Variants in RASA1 observed in about 807,000 individuals in gnomAD.
The protein encoded by RASA1 is RAS p21 protein activator 1.
A neutral mutation model predicts 132.2 loss-of-function variants in RASA1; 25 were observed. The ratio of observed to expected loss-of-function variants is 0.19; its 90% CI spans 0.14 to 0.26. RASA1 has a LOEUF of 0.26. Ranked by LOEUF, RASA1 falls within the 10% of genes least tolerant of loss-of-function variation. RASA1 has a pLI of 1.00. For missense variants in RASA1, 964 were observed against 1,299.2 expected, an observed-to-expected ratio of 0.74 and a Z score of 3.97; for synonymous variants, 477 against 449.9, an observed-to-expected ratio of 1.06 and a Z score of -0.76.
At chr5:87,308,290 A>C (rs1422843840) in intron 1 of RASA1, among the ~76,000 whole-genome samples, 1 of 151,944 alleles carries the variant, frequency 6.6e-6, no homozygotes, top group African/African-American at 2.4e-5. Flanking sequence ...ATAGTTTGAG[A>C]GAAAAAGTGG....
intron 12 of RASA1, 58 bp downstream of exon 12, chr5:87,369,958 T>C (rs906620003): frequency 7.3e-7 from 1 of 1,360,596 alleles, no homozygotes; most frequent in South Asian, 1.2e-5. Context: ...TGTTTTCTTA[T>C]TAACTGGAAT....
intron 21 of RASA1, 111 bp downstream of exon 21, chr5:87,383,891 C>A: frequency 3.2e-6 from 3 of 945,794 alleles, no homozygotes; most frequent in Non-Finnish European, 4.8e-6. Context: ...CAATTCTAGT[C>A]ATGGCATATA....
intron 1 of RASA1, chr5:87,318,932 G>A (rs1415206746): frequency 1.3e-5 from 2 of 152,176 alleles, no homozygotes; most frequent in East Asian, 1.9e-4. Flanking sequence ...TTCTTCCAAG[G>A]TACAATGAGA....
At chr5:87,380,350 C>A (rs780041031) in intron 19 of RASA1, among the ~76,000 whole-genome samples, 159 bp from the exon 20 acceptor site, 1 of 152,038 alleles carries the variant, frequency 6.6e-6, no homozygotes, top group Non-Finnish European at 1.5e-5. Context: ...TTTCCTTACC[C>A]CTTGCTAAAT....
At chr5:87,286,195 G>C (rs1483489893) in intron 1 of RASA1, among the ~76,000 whole-genome samples, 1 of 151,892 alleles carries the variant, frequency 6.6e-6, no homozygotes, top group African/African-American at 2.4e-5. Context: ...GTAGAGTCAG[G>C]GTTTCACATG....
At chr5:87,271,204 C>T (rs1198474641) in intron 1 of RASA1, among the ~76,000 whole-genome samples, 1 of 152,092 alleles carries the variant, frequency 6.6e-6, no homozygotes, top group African/African-American at 2.4e-5. Context: ...TGCCATTGCA[C>T]TCCAGCCTGG....
intron 15 of RASA1, 50 bp from the exon 16 acceptor site, chr5:87,376,343 A>G: frequency 1.9e-6 from 3 of 1,599,026 alleles, no homozygotes; most frequent in Non-Finnish European, 2.6e-6. Flanking sequence ...TTGCATGACT[A>G]ATTATCGTGT....
chr5:87,380,887 T>C (rs1263908390), intron 20 of RASA1, among the ~76,000 whole-genome samples: 2 of 152,180 alleles, frequency 1.3e-5, no homozygotes, highest in African/African-American at 4.8e-5. Flanking sequence ...GCTAACTTCA[T>C]ATAGTATTCT....
Position 87,303,724 on chromosome 5 carries a change from G to GTA in RASA1, c.540-27613_540-27612dup, listed in dbSNP as rs907784614. ...TTAATGTTCTATGTTCACTTGAAAG[G>GTA]TATATATATATAATTCATATATATA... On this transcript the variant is annotated intron_variant, in intron 1 of 24. Coordinates refer to ENST00000274376, the MANE Select transcript of RASA1 (RefSeq NM_002890.3). Among the ~76,000 whole-genome samples the GTA allele has an allele frequency of 1.7e-4, 25 of 150,918 alleles. No homozygotes were observed. In the East Asian group the frequency reaches 1.9e-3, roughly 12 times the overall value.
intron 1 of RASA1, among the ~76,000 whole-genome samples, chr5:87,311,044 T>C (rs1044982189): frequency 5.9e-5 from 9 of 152,202 alleles, no homozygotes; most frequent in African/African-American, 2.2e-4. Context: ...TTTTGTGGGT[T>C]GAAATGGAAA....
chr5:87,361,012 A>C (rs1347856095), intron 9 of RASA1, among the ~76,000 whole-genome samples: 1 of 152,202 alleles, frequency 6.6e-6, no homozygotes, highest in African/African-American at 2.4e-5. Context: ...ACTTTGCAAC[A>C]CAGTTACACA....
chr5:87,331,526 C>T lies in RASA1; in HGVS notation c.692+26C>T, dbSNP rs778912354. The stretch of plus-strand genomic sequence containing the variant: ...GTAAGTCTTTATTCCTATTATGAAG[C>T]CAAATGATGTAGCTATTTTGATATA... On this transcript the variant is annotated intron_variant, in intron 2 of 24. Coordinates refer to ENST00000274376, the MANE Select transcript of RASA1 (RefSeq NM_002890.3). 3.1e-6 allele frequency: 5 copies of T among 1,605,746 alleles called. No individual in the cohort carries two copies. In the East Asian group the frequency reaches 8.9e-5, roughly 29 times the overall value.
intron 1 of RASA1, among the ~76,000 whole-genome samples, chr5:87,304,334 A>G (rs754190866): frequency 6.6e-5 from 10 of 152,200 alleles, no homozygotes; most frequent in Non-Finnish European, 1.5e-4. Flanking sequence ...AGATTACAAC[A>G]TGTATCATTG....
intron 1 of RASA1, among the ~76,000 whole-genome samples, chr5:87,272,097 C>T (rs887445456): frequency 1.3e-5 from 2 of 150,692 alleles, no homozygotes; most frequent in Non-Finnish European, 3.0e-5. Context: ...TGCAGTGAGC[C>T]GAGATCTGCC....
intron 17 of RASA1, 120 bp from the exon 18 acceptor site, chr5:87,378,276 C>T (rs774464986): frequency 6.3e-5 from 74 of 1,178,406 alleles, no homozygotes; most frequent in Non-Finnish European, 7.3e-5. Context: ...CAACGCTGCA[C>T]GCAAAAAGCA....
chr5:87,363,849 C>A (rs1239927787), intron 11 of RASA1, among the ~76,000 whole-genome samples: 1 of 151,960 alleles, frequency 6.6e-6, no homozygotes, highest in East Asian at 1.9e-4. Context: ...TAGGTGCACT[C>A]AATTCTGCTA....
At chr5:87,299,728 G>A (rs1580215453) in intron 1 of RASA1, 1 of 152,046 alleles carries the variant, frequency 6.6e-6, no homozygotes, top group Non-Finnish European at 1.5e-5. Flanking sequence ...TCATCCTTGA[G>A]CAGGGGTCAT....
At chr5:87,364,454 G>A (rs1760353048) in intron 11 of RASA1, among the ~76,000 whole-genome samples, 1 of 152,046 alleles carries the variant, frequency 6.6e-6, no homozygotes, top group Non-Finnish European at 1.5e-5. Context: ...TGTTTATATT[G>A]TGAATCTGTA....
intron 1 of RASA1, among the ~76,000 whole-genome samples, chr5:87,311,560 G>A (rs1429375245): frequency 6.6e-6 from 1 of 152,242 alleles, no homozygotes; most frequent in Non-Finnish European, 1.5e-5. Flanking sequence ...GAGTCCAGCA[G>A]AGATTAGATG....
Sources: gnomAD v4.1 joint callset for allele counts (sites outside exome capture counted in the v4.1 genomes callset) on GRCh38, gnomAD v4.1.1 for gene constraint, MANE v1.5 for transcripts, NCBI Gene and HGNC (gene_info 2026-07-23, HGNC 2026-07-21) for gene names.